The following HDAC9 variants were observed in gnomAD, a reference collection of about 807,000 sequenced individuals.
HDAC9 encodes MEF-2 interacting transcription repressor (MITR) protein.
In HDAC9, 41 loss-of-function variants were observed where a neutral mutation model predicts 139.4. The observed-to-expected ratio is 0.29, with a 90% CI of 0.23 to 0.38. HDAC9 has a LOEUF of 0.38. Ranked by LOEUF, HDAC9 falls within the 10% of genes least tolerant of loss-of-function variation. HDAC9 has a pLI of 1.00. For missense variants in HDAC9, 1,147 were observed against 1,297.0 expected (o/e 0.88, Z 1.78); for synonymous variants, 517 against 476.2 (o/e 1.09, Z -1.12).
At chr7:18,881,535 T>C (rs1306174786) in intron 22 of HDAC9, among the ~76,000 whole-genome samples, 3 of 152,090 alleles carry the variant, frequency 2.0e-5, no homozygotes, top group Non-Finnish European at 2.9e-5. Context: ...TTTTTTCTTG[T>C]TCTTTTTTAC....
upstream of HDAC9, among the ~76,000 whole-genome samples, chr7:18,491,976 T>C (rs1796401941): frequency 6.6e-6 from 1 of 151,948 alleles, no homozygotes; most frequent in Non-Finnish European, 1.5e-5. Flanking sequence ...AATCCACAGG[T>C]CCACCCCTTG....
intron 1 of HDAC9, among the ~76,000 whole-genome samples, chr7:18,088,630 T>C (rs1013648215): frequency 3.9e-5 from 6 of 152,206 alleles, no homozygotes; most frequent in Non-Finnish European, 2.9e-5. Flanking sequence ...TTAAAAGATA[T>C]CTTTTGACCT....
intron 2 of HDAC9, among the ~76,000 whole-genome samples, chr7:18,257,438 A>ACACACACAC (rs1562802142): frequency 8.6e-4 from 114 of 132,568 alleles, no homozygotes; most frequent in African/African-American, 3.0e-3. Flanking sequence ...CACACACACA[A>ACACACACAC]AAAGAAAAAA....
chr7:18,676,483 T>G (rs1781519707), intron 12 of HDAC9, among the ~76,000 whole-genome samples: 1 of 152,046 alleles, frequency 6.6e-6, no homozygotes, highest in South Asian at 2.1e-4. Flanking sequence ...TACCTTCTTT[T>G]AACATGGTGA....
chr7:18,948,341 A>G (rs1407218784), intron 23 of HDAC9, among the ~76,000 whole-genome samples: 1 of 152,124 alleles, frequency 6.6e-6, no homozygotes, highest in African/African-American at 2.4e-5. Flanking sequence ...CATTTAAATT[A>G]TGAATTAATA....
intron 11 of HDAC9, among the ~76,000 whole-genome samples, chr7:18,649,583 C>T (rs1436628857): frequency 6.6e-6 from 1 of 152,114 alleles, no homozygotes; most frequent in Non-Finnish European, 1.5e-5. Flanking sequence ...TAGCTAAAAC[C>T]TGGCTTAGTA....
intron 1 of HDAC9, among the ~76,000 whole-genome samples, chr7:18,104,796 T>A (rs1783096412): frequency 2.6e-5 from 4 of 152,094 alleles, no homozygotes; most frequent in African/African-American, 9.7e-5. Flanking sequence ...GTAAGGGAGA[T>A]CACAAATTGG....
At position 19,002,167 on chromosome 7, in the gene HDAC9, AAAT is replaced by A. The variant is rs1038021787; in HGVS notation, c.*6112_*6114del. 3.9e-5 allele frequency: 6 copies of A among 152,092 alleles called. No homozygotes were observed. Among genetic ancestry groups the A allele is most frequent in the African/African-American group, 1.4e-4 (6 of 41,422 alleles). The allele number at this position is 152,092 out of a possible 1,614,324, so 9.4% of individuals were successfully genotyped here. On this transcript the variant is annotated 3_prime_UTR_variant, in exon 26 of 26. Transcript: ENST00000686413. ...CCAGTGGTATTTTCCCAGATGTGAAAAATAATAATCTAATAAAGGATTAATATC... is the reference window on the plus strand; with the variant it reads ...CCAGTGGTATTTTCCCAGATGTGAAAAATAATCTAATAAAGGATTAATATC...
intron 14 of HDAC9, among the ~76,000 whole-genome samples, chr7:18,753,916 A>G (rs1788661106): frequency 6.6e-6 from 1 of 152,130 alleles, no homozygotes; most frequent in Non-Finnish European, 1.5e-5. Context: ...CTTTTGGAAC[A>G]TAACACTCTC....
At chr7:18,776,615 A>G (rs1029155229) in intron 16 of HDAC9, among the ~76,000 whole-genome samples, 5 of 152,094 alleles carry the variant, frequency 3.3e-5, no homozygotes, top group Non-Finnish European at 5.9e-5. Flanking sequence ...GATGAATGCT[A>G]TAGAGAAAAG....
chr7:18,275,693 A>G (rs1796672210), intron 2 of HDAC9, among the ~76,000 whole-genome samples: 1 of 152,090 alleles, frequency 6.6e-6, no homozygotes. Flanking sequence ...CTGCATGGTC[A>G]AGTACCTTTA....
intron 14 of HDAC9, among the ~76,000 whole-genome samples, chr7:18,758,598 A>G (rs1452362657): frequency 3.9e-5 from 6 of 152,182 alleles, no homozygotes; most frequent in African/African-American, 1.4e-4. Context: ...GAATGTGACA[A>G]ATTTAAGGCA....
At chr7:18,899,735 A>C (rs1296002173) in intron 22 of HDAC9, among the ~76,000 whole-genome samples, 1 of 152,028 alleles carries the variant, frequency 6.6e-6, no homozygotes, top group African/African-American at 2.4e-5. Context: ...TATCAGTGTA[A>C]TTTGTTATAT....
intron 16 of HDAC9, among the ~76,000 whole-genome samples, chr7:18,792,865 T>C (rs934974277): frequency 2.6e-5 from 4 of 152,208 alleles, no homozygotes; most frequent in Admixed American, 2.0e-4. Context: ...TGCCTAATAA[T>C]TGTGTTTGGC....
chr7:18,290,359 C>G (rs1797727290), upstream of HDAC9: 1 of 420,330 alleles, frequency 2.4e-6, no homozygotes, highest in African/African-American at 2.1e-5. Flanking sequence ...TACTATTTAA[C>G]CAGTGGGAGG....
chr7:18,696,619 C>T (rs61356214), intron 12 of HDAC9, among the ~76,000 whole-genome samples: 4,201 of 151,946 alleles, frequency 0.028, 171 homozygotes, highest in African/African-American at 0.088. Context: ...AGATGCACGT[C>T]ACCACGCCCA....
chr7:18,236,624 C>A (rs1793834196), intron 2 of HDAC9, among the ~76,000 whole-genome samples: 1 of 152,128 alleles, frequency 6.6e-6, no homozygotes, highest in South Asian at 2.1e-4. Flanking sequence ...TCTGGATGCA[C>A]TTGCAATTTT....
intron 1 of HDAC9, among the ~76,000 whole-genome samples, chr7:18,117,478 T>C (rs932823414): frequency 6.7e-6 from 1 of 148,764 alleles, no homozygotes; most frequent in Non-Finnish European, 1.5e-5. Flanking sequence ...AGAGCGAGAC[T>C]CTGTCTCAAA....
intron 2 of HDAC9, among the ~76,000 whole-genome samples, chr7:18,234,699 G>T (rs1584769813): frequency 6.6e-6 from 1 of 152,306 alleles, no homozygotes; most frequent in African/African-American, 2.4e-5. Context: ...CCTAACATTT[G>T]CTGACAGCTT....
Sources: gnomAD v4.1 joint callset for allele counts (sites outside exome capture counted in the v4.1 genomes callset) on GRCh38, gnomAD v4.1.1 for gene constraint, MANE v1.5 for transcripts, NCBI Gene and HGNC (gene_info 2026-07-23, HGNC 2026-07-21) for gene names.